The following DCDC1 variants were observed in gnomAD, a reference collection of about 807,000 sequenced individuals.
The protein encoded by DCDC1 is doublecortin domain-containing protein 1.
DCDC1 carries 200 observed loss-of-function variants against 178.3 expected under a neutral mutation model. That is an observed-to-expected ratio of 1.12 (90% CI 1.00 to 1.26). The LOEUF (loss-of-function observed/expected upper bound fraction) is 1.26. Ranked by LOEUF, DCDC1 falls within the 50% of genes most tolerant of loss-of-function variation. The pLI is 0.00. For missense variants in DCDC1, 1,983 were observed against 1,749.2 expected (o/e 1.13, Z -2.38); for synonymous variants, 690 against 604.8 (o/e 1.14, Z -2.07).
intron 27 of DCDC1, 60 bp from the exon 28 acceptor site, chr11:30,911,480 G>T: frequency 7.6e-7 from 1 of 1,312,170 alleles, no homozygotes; most frequent in Non-Finnish European, 1.1e-6. Context: ...ATCTCCCTCT[G>T]TGCCACTTAG....
At chr11:30,878,521 T>G in intron 38 of DCDC1, 23 bp downstream of exon 38, 1 of 1,468,154 alleles carries the variant, frequency 6.8e-7, no homozygotes, top group Non-Finnish European at 9.1e-7. Context: ...ATAACAAACA[T>G]GAGTATGTGC....
At chr11:31,186,281 T>C (rs778362615) in intron 9 of DCDC1, among the ~76,000 whole-genome samples, 3 of 152,168 alleles carry the variant, frequency 2.0e-5, no homozygotes, top group Non-Finnish European at 4.4e-5. Context: ...TCCTTACTCA[T>C]TTTATCTGGG....
intron 1 of DCDC1, among the ~76,000 whole-genome samples, chr11:31,352,361 C>T (rs532554356): frequency 6.6e-6 from 1 of 152,094 alleles, no homozygotes; most frequent in South Asian, 2.1e-4. Context: ...TAATGATATA[C>T]AAGAATAATT....
chr11:30,878,792 C>T lies in DCDC1; in HGVS notation c.5234-81G>A, dbSNP rs1942382258. ...ATTAAAAGTCCAGGATGATGAAAAA[C>T]TTGAAGACCCCTCACAAATCCTTGG... is the stretch of plus-strand genomic sequence containing the variant. On this transcript the variant is annotated intron_variant, in intron 37 of 38. Transcript: ENST00000684477. 5 of 1,347,082 alleles carry T rather than the reference C, an allele frequency of 3.7e-6. No homozygotes were observed. The South Asian group carries it at 6.2e-5, about 17-fold the overall frequency. 83.4% of individuals were successfully genotyped at this position (1,347,082 alleles called of 1,614,324 possible).
intron 1 of DCDC1, among the ~76,000 whole-genome samples, chr11:31,353,388 T>C (rs1440858229): frequency 3.9e-5 from 6 of 152,246 alleles, no homozygotes; most frequent in Non-Finnish European, 7.3e-5. Context: ...AAGTGAAATG[T>C]CCATTTTACT....
chr11:31,298,394 A>G (rs1218183327), intron 6 of DCDC1, among the ~76,000 whole-genome samples: 1 of 147,716 alleles, frequency 6.8e-6, no homozygotes. Context: ...TTTTCTCTGG[A>G]AAGTTAAGAT....
chr11:30,869,811 C>G (rs181272469), intron 38 of DCDC1, among the ~76,000 whole-genome samples: 2 of 152,270 alleles, frequency 1.3e-5, no homozygotes, highest in African/African-American at 4.8e-5. Context: ...CTCCGGATTC[C>G]AAAGGCCTTT....
chr11:30,942,955 C>A (rs947699877), intron 21 of DCDC1, among the ~76,000 whole-genome samples: 4 of 152,138 alleles, frequency 2.6e-5, no homozygotes, highest in Admixed American at 2.6e-4. Flanking sequence ...TCATTCTGTC[C>A]TTCATAGACA....
chr11:31,257,693 A>AACACACACAC lies in DCDC1; in HGVS notation c.1054+7804_1054+7813dup, dbSNP rs60535376. Among the ~76,000 whole-genome samples, 1,321 of 143,746 alleles carry AACACACACAC rather than the reference A, an allele frequency of 9.2e-3. 17 individuals are homozygous for AACACACACAC. The highest frequency in any genetic ancestry group is 0.031 in the African/African-American group (1,205 of 39,018). The allele number at this position is 143,746 out of a possible 152,430, so 94.3% of individuals were successfully genotyped here. A position where few individuals can be genotyped will look rare whatever the true frequency, so the allele number is the denominator to read the frequency against. The stretch of plus-strand genomic sequence containing the variant: ...AGCACACATATTTGACAGATAGGAA[A>AACACACACAC]ACACACACACACACACACACACACA... On this transcript the variant is annotated intron_variant, in intron 8 of 38. Coordinates refer to ENST00000684477, the MANE Select transcript of DCDC1 (RefSeq NM_001387274.1).
intron 9 of DCDC1, among the ~76,000 whole-genome samples, chr11:31,198,674 G>A (rs1208626758): frequency 1.3e-5 from 2 of 151,882 alleles, no homozygotes; most frequent in Middle Eastern, 3.2e-3. Flanking sequence ...CTCTTCAAAT[G>A]TTTTTAGCTT....
intron 20 of DCDC1, among the ~76,000 whole-genome samples, chr11:31,036,871 A>G (rs1388353847): frequency 2.0e-5 from 3 of 152,208 alleles, no homozygotes; most frequent in Non-Finnish European, 4.4e-5. Context: ...TACTTATTAT[A>G]TGATAAGCAT....
At chr11:31,051,778 G>A (rs1220674461) in intron 20 of DCDC1, among the ~76,000 whole-genome samples, 3 of 152,126 alleles carry the variant, frequency 2.0e-5, no homozygotes, top group South Asian at 2.1e-4. Context: ...CAAATGGTGA[G>A]AGAATTCGCC....
At chr11:31,321,459 A>G (rs1264092063) in intron 3 of DCDC1, among the ~76,000 whole-genome samples, 1 of 151,276 alleles carries the variant, frequency 6.6e-6, no homozygotes, top group Non-Finnish European at 1.5e-5. Context: ...TGGAAAGGGA[A>G]CTCCCTGACC....
At chr11:30,911,184 A>T in intron 28 of DCDC1, 143 bp downstream of exon 28, 1 of 683,166 alleles carries the variant, frequency 1.5e-6, no homozygotes, top group Non-Finnish European at 2.5e-6. Context: ...TTTAAAATCT[A>T]GGCAGACTAT....
chr11:31,163,617 AAGAG>A (rs1375775369), intron 9 of DCDC1, among the ~76,000 whole-genome samples: 3 of 152,332 alleles, frequency 2.0e-5, no homozygotes, highest in African/African-American at 7.2e-5. Flanking sequence ...AATAAGCTAA[AAGAG>A]AGCCTGAAAT....
In DCDC1 at chr11:31,244,193, G is replaced by A. The variant is rs532242462; in HGVS notation, c.1055-2577C>T. Among the ~76,000 whole-genome samples the A allele has an allele frequency of 1.1e-4, 17 of 151,518 alleles. No individual in the cohort carries two copies. In the South Asian group the frequency reaches 1.5e-3, roughly 13 times the overall value. On this transcript the variant is annotated intron_variant, in intron 8 of 38. Coordinates refer to ENST00000684477, the MANE Select transcript of DCDC1 (RefSeq NM_001387274.1). ...AACTGTCCATTTAAAAAGGAGCCTC[G>A]GCCTAAAACATACTTTTAAAATATT...
At chr11:30,887,914 A>G (rs527591042) in intron 36 of DCDC1, among the ~76,000 whole-genome samples, 10 of 151,536 alleles carry the variant, frequency 6.6e-5, no homozygotes, top group Non-Finnish European at 1.2e-4. Context: ...GAGGCAGGAG[A>G]ATCACTTGAA....
intron 36 of DCDC1, among the ~76,000 whole-genome samples, chr11:30,891,673 C>T (rs1200744163): frequency 6.6e-6 from 1 of 152,178 alleles, no homozygotes; most frequent in Non-Finnish European, 1.5e-5. Context: ...AAAGCTTTCA[C>T]TATCTTTTTT....
intron 6 of DCDC1, among the ~76,000 whole-genome samples, chr11:31,291,450 A>G (rs1340676350): frequency 1.3e-5 from 2 of 152,052 alleles, no homozygotes; most frequent in African/African-American, 4.8e-5. Flanking sequence ...ACTTTGACCT[A>G]TACATTTTCA....
Sources: allele counts gnomAD v4.1 joint callset (sites outside exome capture counted in the v4.1 genomes callset), GRCh38; gene constraint gnomAD v4.1.1; transcripts MANE v1.5; gene names NCBI Gene and HGNC (gene_info 2026-07-23, HGNC 2026-07-21).